The following SLC35F1 variants were observed in gnomAD, a reference collection of about 807,000 sequenced individuals.
The protein encoded by SLC35F1 is solute carrier family 35 member F1, also known as chromosome 6 open reading frame 169.
In SLC35F1, 14 loss-of-function variants were observed where a neutral mutation model predicts 48.7. The observed-to-expected ratio is 0.29, with a 90% CI of 0.19 to 0.45. The LOEUF (loss-of-function observed/expected upper bound fraction) is 0.45. Among genes scored for constraint, SLC35F1 ranks in the 20% least tolerant of loss-of-function variants. SLC35F1 has a pLI of 1.00. For synonymous variants in SLC35F1, 190 were observed against 202.2 expected, an observed-to-expected ratio of 0.94 and a Z score of 0.51; for missense variants, 404 against 500.0, an observed-to-expected ratio of 0.81 and a Z score of 1.83.
intron 1 of SLC35F1, among the ~76,000 whole-genome samples, chr6:117,967,408 A>T (rs1168142572): frequency 6.6e-6 from 1 of 152,244 alleles, no homozygotes; most frequent in African/African-American, 2.4e-5. Flanking sequence ...TTAAGTAATC[A>T]GCAAAAAGGT....
chr6:117,958,691 G>A (rs940751743), intron 1 of SLC35F1, among the ~76,000 whole-genome samples: 3 of 152,202 alleles, frequency 2.0e-5, no homozygotes, highest in African/African-American at 7.2e-5. Flanking sequence ...AGTAAGCTAT[G>A]CCATCTCGGT....
intron 1 of SLC35F1, among the ~76,000 whole-genome samples, chr6:118,072,336 G>A (rs541813837): frequency 5.5e-4 from 83 of 152,178 alleles, no homozygotes; most frequent in Middle Eastern, 3.4e-3. Flanking sequence ...AGGCTGAGGC[G>A]GGTGGATCAT....
At chr6:118,192,174 A>C (rs1422009444) in intron 2 of SLC35F1, among the ~76,000 whole-genome samples, 2 of 152,122 alleles carry the variant, frequency 1.3e-5, no homozygotes, top group African/African-American at 4.8e-5. Flanking sequence ...TAGACCATGG[A>C]GTTCATTCAA....
chr6:117,923,863 T>C (rs1460209626), intron 1 of SLC35F1, among the ~76,000 whole-genome samples: 2 of 122,974 alleles, frequency 1.6e-5, no homozygotes, highest in Admixed American at 1.6e-4. Context: ...TATATATGTG[T>C]GTACATATAT....
chr6:118,138,900 G>T (rs1773839347), intron 1 of SLC35F1, among the ~76,000 whole-genome samples: 1 of 151,788 alleles, frequency 6.6e-6, no homozygotes, highest in Admixed American at 6.6e-5. Flanking sequence ...CGGTGAGATA[G>T]GTGCATCATA....
chr6:118,152,881 G>C (rs1774083579), intron 1 of SLC35F1, among the ~76,000 whole-genome samples: 1 of 150,778 alleles, frequency 6.6e-6, no homozygotes. Context: ...GGGAACTATT[G>C]TAAGATTTTA....
At chr6:118,276,969 TGAC>T (rs1479222541) in intron 5 of SLC35F1, among the ~76,000 whole-genome samples, 9 of 152,174 alleles carry the variant, frequency 5.9e-5, no homozygotes, top group Non-Finnish European at 8.8e-5. Context: ...GCAGCAGCAC[TGAC>T]ATCACATGAG....
At chr6:118,284,623 C>T (rs1776027962) in intron 6 of SLC35F1, among the ~76,000 whole-genome samples, 1 of 152,156 alleles carries the variant, frequency 6.6e-6, no homozygotes, top group Non-Finnish European at 1.5e-5. Flanking sequence ...CTGGAGGAGA[C>T]TGACAGATCA....
intron 1 of SLC35F1, among the ~76,000 whole-genome samples, chr6:118,079,442 T>C (rs1772873155): frequency 6.6e-6 from 1 of 152,236 alleles, no homozygotes; most frequent in African/African-American, 2.4e-5. Flanking sequence ...TTTTGGCTCT[T>C]GTGAATATTG....
At chr6:117,943,995 C>A (rs75349352) in intron 1 of SLC35F1, among the ~76,000 whole-genome samples, 1 of 152,238 alleles carries the variant, frequency 6.6e-6, no homozygotes, top group Non-Finnish European at 1.5e-5. Context: ...TAGATCTGAT[C>A]TTTTCATGGG....
intron 1 of SLC35F1, among the ~76,000 whole-genome samples, chr6:118,077,477 G>T (rs894832146): frequency 1.3e-5 from 2 of 152,176 alleles, no homozygotes; most frequent in Admixed American, 1.3e-4. Context: ...TTCATTGTTG[G>T]AAATGGAATG....
chr6:118,226,178 T>C (rs1191399333), intron 2 of SLC35F1, among the ~76,000 whole-genome samples: 1 of 152,178 alleles, frequency 6.6e-6, no homozygotes, highest in African/African-American at 2.4e-5. Flanking sequence ...TCAACCCAGT[T>C]ATAATGACTT....
chr6:118,115,826 G>GA (rs955802394), intron 1 of SLC35F1, among the ~76,000 whole-genome samples: 4 of 151,968 alleles, frequency 2.6e-5, no homozygotes, highest in African/African-American at 9.7e-5. Context: ...GCACTCAGGT[G>GA]AAAAAAATGA....
intron 1 of SLC35F1, among the ~76,000 whole-genome samples, chr6:117,968,615 A>T (rs1776601267): frequency 6.6e-6 from 1 of 152,172 alleles, no homozygotes; most frequent in Non-Finnish European, 1.5e-5. Flanking sequence ...TGAGATTTGG[A>T]TTGACAGTTG....
At chr6:118,133,948 A>G (rs951308162) in intron 1 of SLC35F1, among the ~76,000 whole-genome samples, 2 of 152,186 alleles carry the variant, frequency 1.3e-5, no homozygotes, top group African/African-American at 4.8e-5. Context: ...TTCTTGGTCA[A>G]CACCTGTTTC....
chr6:118,198,858 A>G (rs1774836092), intron 2 of SLC35F1, among the ~76,000 whole-genome samples: 1 of 152,222 alleles, frequency 6.6e-6, no homozygotes, highest in Non-Finnish European at 1.5e-5. Context: ...CTACATCTGG[A>G]AGGTTTTGCA....
intron 1 of SLC35F1, among the ~76,000 whole-genome samples, chr6:118,119,493 C>CA (rs1773521774): frequency 6.2e-5 from 4 of 64,390 alleles, no homozygotes; most frequent in African/African-American, 2.3e-4. Flanking sequence ...TAATAACCGG[C>CA]GCCCCCCCTC....
intron 1 of SLC35F1, among the ~76,000 whole-genome samples, chr6:118,040,563 C>A (rs1022947778): frequency 2.6e-5 from 4 of 152,056 alleles, no homozygotes; most frequent in African/African-American, 9.7e-5. Context: ...ATTTAAATTT[C>A]TTTTATCATA....
At chr6:117,968,293 C>A (rs897476992) in intron 1 of SLC35F1, among the ~76,000 whole-genome samples, 1 of 152,134 alleles carries the variant, frequency 6.6e-6, no homozygotes, top group African/African-American at 2.4e-5. Context: ...AACAGCTTTC[C>A]ATATTAGGGC....
Sources: gnomAD v4.1 joint callset for allele counts (sites outside exome capture counted in the v4.1 genomes callset) on GRCh38, gnomAD v4.1.1 for gene constraint, MANE v1.5 for transcripts, NCBI Gene and HGNC (gene_info 2026-07-23, HGNC 2026-07-21) for gene names.